DENND3: variants seen among roughly 807,000 people sequenced by gnomAD.
DENND3 encodes DENN domain-containing protein 3.
A neutral mutation model predicts 135.1 loss-of-function variants in DENND3; 88 were observed. The ratio of observed to expected loss-of-function variants is 0.65; its 90% CI spans 0.55 to 0.78. The LOEUF (loss-of-function observed/expected upper bound fraction) is 0.78. Among genes scored for constraint, DENND3 ranks in the 30% least tolerant of loss-of-function variants. The probability of loss-of-function intolerance (pLI) is 0.00; values close to 1 mark genes in which losing one functional copy is unlikely to be tolerated. For synonymous variants in DENND3, 693 were observed against 712.3 expected (o/e 0.97, Z 0.43); for missense variants, 1,392 against 1,688.4 (o/e 0.82, Z 3.08).
rs547148440 is a variant in DENND3, at chr8:141,138,808, G to A, written c.501+671G>A. Among the ~76,000 whole-genome samples the A allele has an allele frequency of 2.2e-4, 34 of 152,342 alleles. No individual in the cohort carries two copies. Among genetic ancestry groups the A allele is most frequent in the Non-Finnish European group, 4.1e-4 (28 of 68,036 alleles). On this transcript the variant is annotated intron_variant, in intron 3 of 22. Coordinates refer to ENST00000519811, the MANE Select transcript of DENND3 (RefSeq NM_001352890.3). The surrounding 1 kb of genome is among the most constrained non-coding windows in gnomAD (Gnocchi z 4.8). ...AGCATGTTTTGATGTTCATGTGCAT[G>A]GGCGCGTGTGCCAGTGCCCCGTGGC... is the stretch of plus-strand genomic sequence containing the variant.
At chr8:141,147,503 C>G (rs1711725239) in intron 5 of DENND3, among the ~76,000 whole-genome samples, 1 of 152,234 alleles carries the variant, frequency 6.6e-6, no homozygotes, top group African/African-American at 2.4e-5. Flanking sequence ...CCACAGGGCC[C>G]TTGCACACGC....
chr8:141,157,717 T>C lies in DENND3; in HGVS notation c.1196+1747T>C, dbSNP rs1330273656. ...TCTTACCTTGGTGTGGATTATTCCT[T>C]CTACCTGGAAGGTTTCTGAAAAATG... is the stretch of plus-strand genomic sequence containing the variant. On this transcript the variant is annotated intron_variant, in intron 8 of 22. Coordinates refer to ENST00000519811, the MANE Select transcript of DENND3 (RefSeq NM_001352890.3). 6.1e-6 allele frequency: 6 copies of C among 986,178 alleles called. No individual in the cohort carries two copies. In the African/African-American group the frequency reaches 8.7e-5, roughly 14 times the overall value. The allele number at this position is 986,178 out of a possible 1,614,324, so 61.1% of individuals were successfully genotyped here.
rs1589553931 is a variant in DENND3 at position 141,141,455 on chromosome 8, A to C, written c.623+131A>C. 5.8e-5 allele frequency: 53 copies of C among 915,298 alleles called. No individual in the cohort carries two copies. Among genetic ancestry groups the C allele is most frequent in the South Asian group, 2.6e-4 (14 of 54,400 alleles). 56.7% of individuals were successfully genotyped at this position (915,298 alleles called of 1,614,324 possible). A position where few individuals can be genotyped will look rare whatever the true frequency, so the allele number is the denominator to read the frequency against. ...TGTTCCTCTCCTGGTGAGCCGGGGG[A>C]CCGGGCGCTGGGGGCAGTAGGAGGG... is the stretch of plus-strand genomic sequence containing the variant. On this transcript the variant is annotated intron_variant, in intron 4 of 22. Coordinates refer to ENST00000519811, the MANE Select transcript of DENND3 (RefSeq NM_001352890.3). The surrounding 1 kb of genome is among the most constrained non-coding windows in gnomAD (Gnocchi z 5.3).
In DENND3 at chr8:141,185,427, A is replaced by G. The variant is rs1427814420; in HGVS notation, c.3084+149A>G. Reference sequence around the variant, plus strand: ...ACAGGGGGTCTTAACTTTCACCTGGAGTTTTCAAATTAAATGTAAGCTTGT... The same window carrying G: ...ACAGGGGGTCTTAACTTTCACCTGGGGTTTTCAAATTAAATGTAAGCTTGT... On this transcript the variant is annotated intron_variant, in intron 18 of 22. Coordinates refer to ENST00000519811, the MANE Select transcript of DENND3 (RefSeq NM_001352890.3). 8 of 1,024,404 alleles carry G rather than the reference A, an allele frequency of 7.8e-6. No individual in the cohort carries two copies. In the African/African-American group the frequency reaches 1.3e-4, roughly 16 times the overall value. 63.5% of individuals were successfully genotyped at this position (1,024,404 alleles called of 1,614,324 possible).
chr8:141,189,993 C>T (rs754604114), intron 19 of DENND3, among the ~76,000 whole-genome samples: 13 of 152,122 alleles, frequency 8.5e-5, no homozygotes, highest in Admixed American at 3.3e-4. Context: ...GCCTGCGGCC[C>T]GCGGTGGTGG....
rs1475925690 is a variant in DENND3 at position 141,130,394 on chromosome 8, C to T, written c.102+1585C>T. 1.3e-5 allele frequency among the ~76,000 whole-genome samples: 2 copies of T among 151,936 alleles called. No homozygotes were observed. Among genetic ancestry groups the T allele is most frequent in the Non-Finnish European group, 2.9e-5 (2 of 67,976 alleles). ...CAGTGGTGCATTCCTGAACTAAACA[C>T]GCTGCAACATTTTCATGTTCCCAGG... On this transcript the variant is annotated intron_variant, in intron 1 of 22. Transcript: ENST00000519811. The surrounding 1 kb of genome is among the most constrained non-coding windows in gnomAD (Gnocchi z 4.2).
chr8:141,136,483 G>A (rs768336490), intron 1 of DENND3, 26 bp from the exon 2 acceptor site: 1 of 1,525,512 alleles, frequency 6.6e-7, no homozygotes, highest in South Asian at 1.2e-5. Flanking sequence ...GGCTGTGGCA[G>A]TAACTCTTAT....
chr8:141,139,039 A>G lies in DENND3; in HGVS notation c.501+902A>G, dbSNP rs1817135004. Among the ~76,000 whole-genome samples the G allele has an allele frequency of 6.6e-6, 1 of 151,586 alleles. No homozygotes were observed. Among genetic ancestry groups the G allele is most frequent in the African/African-American group, 2.4e-5 (1 of 41,378 alleles). On this transcript the variant is annotated intron_variant, in intron 3 of 22. Coordinates refer to ENST00000519811, the MANE Select transcript of DENND3 (RefSeq NM_001352890.3). The surrounding 1 kb of genome is among the most constrained non-coding windows in gnomAD (Gnocchi z 4.2). The stretch of plus-strand genomic sequence containing the variant: ...TGTGTGAATCAGTGGGCCTTTGGGG[A>G]ACTCGTAGGGGAAACGATGTATCCA...
intron 15 of DENND3, chr8:141,177,068 C>T (rs112621136): frequency 0.011 from 3,813 of 355,294 alleles, 155 homozygotes; most frequent in African/African-American, 0.073. Context: ...CTCCCGGGGG[C>T]GGACGGTGCT....
chr8:141,190,739 C>T (rs1302638680), intron 20 of DENND3: 2 of 255,202 alleles, frequency 7.8e-6, no homozygotes, highest in Admixed American at 5.7e-5. Flanking sequence ...ATGTGTCCCC[C>T]GGAGTCATGG....
At chr8:141,132,765 A>T (rs1458986348) in intron 1 of DENND3, among the ~76,000 whole-genome samples, 1 of 152,214 alleles carries the variant, frequency 6.6e-6, no homozygotes, top group Admixed American at 6.5e-5. Context: ...ACTGAATGCC[A>T]AGTTGATCGG....
intron 9 of DENND3, among the ~76,000 whole-genome samples, chr8:141,161,654 CCT>C (rs1820140349): frequency 6.6e-6 from 1 of 152,192 alleles, no homozygotes; most frequent in African/African-American, 2.4e-5. Flanking sequence ...CTGGTTGCTC[CCT>C]GAGTCCAGCA....
chr8:141,160,791 C>T lies in DENND3; in HGVS notation c.1352+4C>T, dbSNP rs563185382. On this transcript the variant is annotated splice_donor_region_variant and intron_variant, in intron 9 of 22. Transcript: ENST00000519811. ...AGCTGCTCGTGAGCATCTTCAGGTA[C>T]GTGAGAGAACATTCCCAGTGTCCAT... 2.2e-5 allele frequency: 35 copies of T among 1,604,738 alleles called. No individual in the cohort carries two copies. Among genetic ancestry groups the T allele is most frequent in the South Asian group, 6.6e-5 (6 of 90,822 alleles).
rs1419142199 is a variant in DENND3, at chr8:141,178,168, A to G, written c.2808A>G (p.Leu936=). 2 of 1,612,910 alleles carry G rather than the reference A, an allele frequency of 1.2e-6. No homozygotes were observed. The highest frequency in any genetic ancestry group is 1.7e-6 in the Non-Finnish European group (2 of 1,178,860). The part of the protein sequence containing the change: ...SPGAIYAASK[L]SYFDKMSNEM... ...GCGCCATCTACGCTGCCTCCAAGTT[A>G]TCCTACTTTGATAAGATGAGTAACG... is the stretch of plus-strand genomic sequence containing the variant. Residue 936 remains leucine, a synonymous_variant, in exon 16 of 23, where the codon TTA becomes TTG. Coordinates refer to ENST00000519811, the MANE Select transcript of DENND3 (RefSeq NM_001352890.3).
Position 141,188,971 on chromosome 8 carries a change from G to T in DENND3, c.3085-15G>T, listed in dbSNP as rs761569405. On this transcript the variant is annotated splice_polypyrimidine_tract_variant and intron_variant, in intron 18 of 22. Coordinates refer to ENST00000519811, the MANE Select transcript of DENND3 (RefSeq NM_001352890.3). ...AGACTGACTGATTTCTCACGTTCCC[G>T]TGGCCTCCTGTTAGAACTGCATGGT... 6.2e-7 allele frequency: 1 copy of T among 1,606,926 alleles called. No homozygotes were observed. Among genetic ancestry groups the T allele is most frequent in the African/African-American group, 1.3e-5 (1 of 74,590 alleles).
At chr8:141,192,146 G>A in intron 20 of DENND3, 185 bp from the exon 21 acceptor site, 1 of 603,600 alleles carries the variant, frequency 1.7e-6, no homozygotes, top group East Asian at 3.0e-5. Context: ...TCTTCTTAAA[G>A]ACCCAGGGTT....
chr8:141,179,398 G>A (rs1822802870), intron 16 of DENND3, among the ~76,000 whole-genome samples: 1 of 152,222 alleles, frequency 6.6e-6, no homozygotes, highest in African/African-American at 2.4e-5. Flanking sequence ...TTACAGGAAA[G>A]CCTTCTAACG....
Position 141,151,612 on chromosome 8 carries a change from C to G in DENND3, c.856-7C>G. The G allele has an allele frequency of 6.2e-7, 1 of 1,613,680 alleles. No homozygotes were observed. The highest frequency in any genetic ancestry group is 8.5e-7 in the Non-Finnish European group (1 of 1,179,714). The stretch of plus-strand genomic sequence containing the variant: ...CATGTACTCAGTGCGGCGGGTTCTC[C>G]CCTCAGATCCTGACATGCATCCTGA... On this transcript the variant is annotated splice_region_variant and splice_polypyrimidine_tract_variant and intron_variant, in intron 6 of 22. Coordinates refer to ENST00000519811, the MANE Select transcript of DENND3 (RefSeq NM_001352890.3).
At position 141,175,540 on chromosome 8, in the gene DENND3, G is replaced by A. The variant is rs1213180081; in HGVS notation, c.2535+81G>A. 1.9e-6 allele frequency: 3 copies of A among 1,603,856 alleles called. No homozygotes were observed. The East Asian group carries it at 6.7e-5, about 36-fold the overall frequency. ...GGCTGGAGTGGGCCCTGAGCAGTCT[G>A]CCAGCCATGCCAAGTACCAGCTGCA... On this transcript the variant is annotated intron_variant, in intron 14 of 22. Transcript: ENST00000519811. This position sits in a 1 kb window ranked among gnomAD's most constrained non-coding sequence, Gnocchi z 5.4.
Sources: gnomAD v4.1 joint callset for allele counts (sites outside exome capture counted in the v4.1 genomes callset) on GRCh38, gnomAD v4.1.1 for gene constraint, Gnocchi (gnomAD v3.1) non-coding constraint, MANE v1.5 for transcripts, NCBI Gene and HGNC (gene_info 2026-07-23, HGNC 2026-07-21) for gene names.